Variants in NRG3 observed in about 807,000 individuals in gnomAD.
NRG3 encodes the protein pro-neuregulin-3, membrane-bound isoform.
In NRG3, 31 loss-of-function variants were observed where a neutral mutation model predicts 66.9. That is an observed-to-expected ratio of 0.46 (90% CI 0.35 to 0.63). NRG3 has a LOEUF of 0.63. Ranked by LOEUF, NRG3 falls within the 20% of genes least tolerant of loss-of-function variation. The pLI, the probability that NRG3 is intolerant of heterozygous loss-of-function variation, is 0.00. For synonymous variants in NRG3, 393 were observed against 359.4 expected (o/e 1.09, Z -1.06); for missense variants, 910 against 878.9 (o/e 1.04, Z -0.45).
At chr10:82,545,363 A>T (rs928098439) in intron 2 of NRG3, among the ~76,000 whole-genome samples, 1 of 151,114 alleles carries the variant, frequency 6.6e-6, no homozygotes, top group African/African-American at 2.4e-5. Flanking sequence ...TTTTAAAGTA[A>T]TCTTGCTAAT....
intron 1 of NRG3, chr10:82,232,796 T>C: frequency 1.4e-6 from 1 of 717,222 alleles, no homozygotes; most frequent in Non-Finnish European, 2.6e-6. Context: ...ACCAGAGTGG[T>C]CAGGAGGCAG....
At chr10:82,884,476 T>G (rs1842567016) in intron 4 of NRG3, among the ~76,000 whole-genome samples, 1 of 152,146 alleles carries the variant, frequency 6.6e-6, no homozygotes, top group Non-Finnish European at 1.5e-5. Flanking sequence ...TTTGCCTGAT[T>G]AATGTTTAAA....
chr10:82,458,749 A>G (rs1309332878), intron 2 of NRG3, among the ~76,000 whole-genome samples: 1 of 152,216 alleles, frequency 6.6e-6, no homozygotes, highest in South Asian at 2.1e-4. Context: ...TTCTAATCTG[A>G]AAAAGGGAAG....
chr10:82,645,800 C>T (rs934993656), intron 2 of NRG3, among the ~76,000 whole-genome samples: 2 of 152,032 alleles, frequency 1.3e-5, no homozygotes, highest in African/African-American at 4.8e-5. Context: ...CTTCAGGCCT[C>T]TTTCATTTTT....
chr10:82,632,961 C>T (rs1023689417), intron 2 of NRG3, among the ~76,000 whole-genome samples: 6 of 152,114 alleles, frequency 3.9e-5, no homozygotes, highest in Non-Finnish European at 7.4e-5. Context: ...GTGATTTAGT[C>T]TTTGATGCAG....
intron 2 of NRG3, among the ~76,000 whole-genome samples, chr10:82,565,231 A>G (rs1033732318): frequency 8.5e-5 from 13 of 152,118 alleles, no homozygotes; most frequent in Admixed American, 8.5e-4. Flanking sequence ...ACCCTACTAC[A>G]GAGAATCATT....
intron 1 of NRG3, among the ~76,000 whole-genome samples, chr10:81,912,743 T>C (rs1319662639): frequency 6.6e-6 from 1 of 152,162 alleles, no homozygotes; most frequent in Non-Finnish European, 1.5e-5. Flanking sequence ...GGGATCCCAG[T>C]TGACAAGGCC....
At chr10:81,995,361 C>T (rs78187843) in intron 1 of NRG3, among the ~76,000 whole-genome samples, 2,329 of 152,288 alleles carry the variant, frequency 0.015, 61 homozygotes, top group African/African-American at 0.053. Context: ...TGCACTTCTT[C>T]TCGTAGGTTC....
intron 4 of NRG3, among the ~76,000 whole-genome samples, chr10:82,909,757 G>A (rs572100163): frequency 6.6e-6 from 1 of 152,146 alleles, no homozygotes; most frequent in Non-Finnish European, 1.5e-5. Context: ...TGTCAAAAAA[G>A]CCTGTAGATA....
chr10:82,812,741 T>G (rs1277620364), intron 3 of NRG3, among the ~76,000 whole-genome samples: 5 of 152,162 alleles, frequency 3.3e-5, no homozygotes, highest in Admixed American at 3.3e-4. Context: ...AAACCTGGCT[T>G]ATCACACTCA....
At chr10:82,551,881 T>G (rs1565060721) in intron 2 of NRG3, among the ~76,000 whole-genome samples, 1 of 152,174 alleles carries the variant, frequency 6.6e-6, no homozygotes, top group Non-Finnish European at 1.5e-5. Context: ...CCAACTATTT[T>G]TTTTCTATTT....
chr10:81,980,236 GT>G (rs2060283855), intron 1 of NRG3, among the ~76,000 whole-genome samples: 1 of 151,374 alleles, frequency 6.6e-6, no homozygotes, highest in Non-Finnish European at 1.5e-5. Flanking sequence ...AATTATTGAA[GT>G]TCAGTGGACT....
intron 1 of NRG3, among the ~76,000 whole-genome samples, chr10:81,999,101 G>A (rs1252421898): frequency 1.3e-5 from 2 of 152,176 alleles, no homozygotes; most frequent in Non-Finnish European, 2.9e-5. Context: ...CGGTGCCTGG[G>A]CGGCAAAGTG....
chr10:82,836,467 A>G lies in NRG3; in HGVS notation c.1028-28944A>G, dbSNP rs141999349. 3.8e-3 allele frequency among the ~76,000 whole-genome samples: 584 copies of G among 152,310 alleles called. 3 individuals are homozygous for G. The highest frequency in any genetic ancestry group is 0.013 in the African/African-American group (552 of 41,584). On this transcript the variant is annotated intron_variant, in intron 3 of 8. Transcript: ENST00000372141. ...TATACGCTTACAAATGCACAGGCAG[A>G]TGCCCCCCATGTATAAATTTTCAAC...
At chr10:81,928,661 G>A (rs185511606) in intron 1 of NRG3, among the ~76,000 whole-genome samples, 13 of 152,258 alleles carry the variant, frequency 8.5e-5, no homozygotes, top group Admixed American at 7.8e-4. Context: ...TAGCAAAAAT[G>A]TATAAATATC....
chr10:81,891,375 A>G (rs1842998124), intron 1 of NRG3, among the ~76,000 whole-genome samples: 1 of 152,202 alleles, frequency 6.6e-6, no homozygotes, highest in African/African-American at 2.4e-5. Context: ...GCTGTTGGCA[A>G]TATGGCGCAC....
At chr10:82,324,009 C>T (rs1393379051) in intron 1 of NRG3, among the ~76,000 whole-genome samples, 5 of 151,942 alleles carry the variant, frequency 3.3e-5, no homozygotes, top group African/African-American at 4.8e-5. Flanking sequence ...GGATTACAGG[C>T]GCCTGTGACC....
At chr10:82,874,810 A>T (rs1474107976) in intron 4 of NRG3, among the ~76,000 whole-genome samples, 1 of 152,186 alleles carries the variant, frequency 6.6e-6, no homozygotes, top group African/African-American at 2.4e-5. Context: ...TATTTAGGTG[A>T]CTAATGGATG....
At chr10:82,472,375 CA>C (rs1841349036) in intron 2 of NRG3, among the ~76,000 whole-genome samples, 1 of 152,184 alleles carries the variant, frequency 6.6e-6, no homozygotes. Context: ...AACAGCTTCA[CA>C]GGTATATAAG....
Sources: allele counts gnomAD v4.1 joint callset (sites outside exome capture counted in the v4.1 genomes callset), GRCh38; gene constraint gnomAD v4.1.1; transcripts MANE v1.5; gene names NCBI Gene and HGNC (gene_info 2026-07-23, HGNC 2026-07-21).